The following AOPEP variants were observed in gnomAD, a reference collection of about 807,000 sequenced individuals.
AOPEP encodes the protein aminopeptidase O (putative).
In AOPEP, 77 loss-of-function variants were observed where a neutral mutation model predicts 98.1. That is an observed-to-expected ratio of 0.78 (90% confidence interval 0.65 to 0.95). The LOEUF is 0.95. Among genes scored for constraint, AOPEP ranks in the 40% least tolerant of loss-of-function variants. The probability of loss-of-function intolerance (pLI) is 0.00; values close to 1 mark genes in which losing one functional copy is unlikely to be tolerated. For synonymous variants in AOPEP, 346 were observed against 365.3 expected, an observed-to-expected ratio of 0.95 and a Z score of 0.60; for missense variants, 1,024 against 1,024.7, an observed-to-expected ratio of 1.00 and a Z score of 0.01.
At chr9:94,757,177 T>C (rs182989279) in intron 1 of AOPEP, among the ~76,000 whole-genome samples, 6 of 152,298 alleles carry the variant, frequency 3.9e-5, no homozygotes, top group Non-Finnish European at 8.8e-5. Flanking sequence ...GTAATACTTA[T>C]GAAGAACTAA....
intron 13 of AOPEP, among the ~76,000 whole-genome samples, chr9:95,045,425 T>A (rs2065767659): frequency 6.6e-6 from 1 of 152,240 alleles, no homozygotes; most frequent in Non-Finnish European, 1.5e-5. Context: ...TTGCTTTTGT[T>A]AAAACCTCCT....
the AOPEP span, chr9:95,114,328 CTCT>C: frequency 2.5e-6 from 1 of 401,986 alleles, no homozygotes; most frequent in Middle Eastern, 7.7e-4. Context: ...TTTCCAAGGC[CTCT>C]TCTTTTTATT....
chr9:95,030,299 G>A (rs931524611), intron 13 of AOPEP, among the ~76,000 whole-genome samples: 2 of 152,284 alleles, frequency 1.3e-5, no homozygotes, highest in Admixed American at 6.5e-5. Context: ...CTTTGACTTT[G>A]TGACTTCAAA....
At chr9:95,124,103 C>CAAAA in the AOPEP span, among the ~76,000 whole-genome samples, 1 of 43,542 alleles carries the variant, frequency 2.3e-5, no homozygotes, top group Non-Finnish European at 4.0e-5. Context: ...AACCTTGTCT[C>CAAAA]AAAAAAAAAA....
the AOPEP span, chr9:95,101,750 T>C: frequency 3.1e-5 from 50 of 1,614,090 alleles, no homozygotes; most frequent in South Asian, 5.3e-4. Flanking sequence ...TCGGGCCAGT[T>C]TTTCTGATCT....
chr9:94,791,889 C>T (rs567867595), intron 3 of AOPEP, among the ~76,000 whole-genome samples: 1 of 152,266 alleles, frequency 6.6e-6, no homozygotes, highest in South Asian at 2.1e-4. Context: ...AGCAGATGCT[C>T]GGAAAATATA....
intron 5 of AOPEP, among the ~76,000 whole-genome samples, chr9:94,862,134 A>G (rs2045096270): frequency 6.6e-6 from 1 of 152,146 alleles, no homozygotes; most frequent in African/African-American, 2.4e-5. Flanking sequence ...CACCACCTCT[A>G]CCTAACAGTT....
At chr9:94,967,372 C>T (rs774867500) in intron 9 of AOPEP, among the ~76,000 whole-genome samples, 16 of 152,040 alleles carry the variant, frequency 1.1e-4, no homozygotes, top group Admixed American at 3.3e-4. Context: ...GCAGTTAGTT[C>T]CTAGACTCTA....
At chr9:94,730,330 T>A (rs113035108) in intron 1 of AOPEP, among the ~76,000 whole-genome samples, 4,431 of 151,180 alleles carry the variant, frequency 0.029, 228 homozygotes, top group African/African-American at 0.1. Context: ...GGTCTTCTTC[T>A]GTCTAGTATA....
chr9:95,004,544 T>G (rs2132666323), intron 11 of AOPEP, among the ~76,000 whole-genome samples: 1 of 152,218 alleles, frequency 6.6e-6, no homozygotes, highest in Admixed American at 6.5e-5. Flanking sequence ...CTAGGAAAGT[T>G]ACTTTCCCTG....
At chr9:95,011,481 C>T (rs1178813797) in intron 13 of AOPEP, among the ~76,000 whole-genome samples, 1 of 152,138 alleles carries the variant, frequency 6.6e-6, no homozygotes. Flanking sequence ...GGATTACAGA[C>T]ATGAGCCACC....
rs143033289 is a variant in AOPEP at position 94,928,257 on chromosome 9, G to A, written c.1555-168G>A. ...AGCGAGCGTGCACGGTTGGTTTTTT[G>A]TTTTAGGCACTAAGAGGCTCCAGTG... is the stretch of plus-strand genomic sequence containing the variant. On this transcript the variant is annotated intron_variant, in intron 6 of 16. Coordinates refer to ENST00000375315, the MANE Select transcript of AOPEP (RefSeq NM_001193329.3). Among the ~76,000 whole-genome samples the A allele has an allele frequency of 3.0e-4, 46 of 152,308 alleles. 1 individual carries two copies. In the East Asian group the frequency reaches 8.5e-3, roughly 28 times the overall value.
At chr9:94,823,375 C>T (rs901614979) in intron 5 of AOPEP, among the ~76,000 whole-genome samples, 1 of 152,182 alleles carries the variant, frequency 6.6e-6, no homozygotes, top group Admixed American at 6.5e-5. Flanking sequence ...ACCTTTTACT[C>T]CTTTATTAAC....
At chr9:94,961,789 T>C (rs1363597134) in intron 9 of AOPEP, among the ~76,000 whole-genome samples, 1 of 152,240 alleles carries the variant, frequency 6.6e-6, no homozygotes, top group African/African-American at 2.4e-5. Context: ...CAAGGCGGGA[T>C]TCCTTATCTT....
intron 5 of AOPEP, among the ~76,000 whole-genome samples, chr9:94,852,078 G>C (rs1016126897): frequency 6.6e-6 from 1 of 152,096 alleles, no homozygotes; most frequent in Non-Finnish European, 1.5e-5. Flanking sequence ...GATGAACCTA[G>C]AACAAGGGTG....
intron 5 of AOPEP, 141 bp downstream of exon 5, chr9:94,801,143 G>T: frequency 1.0e-6 from 1 of 984,846 alleles, no homozygotes. Flanking sequence ...ACATCTCATT[G>T]CTGCCTTGAG....
chr9:94,965,024 C>T (rs10993410), intron 9 of AOPEP, among the ~76,000 whole-genome samples: 21,169 of 152,124 alleles, frequency 0.14, 3,879 homozygotes, highest in African/African-American at 0.42. Flanking sequence ...TATTAAGATA[C>T]TAAATTTATA....
chr9:95,081,201 T>C (rs1485351410), intron 15 of AOPEP, among the ~76,000 whole-genome samples: 1 of 152,260 alleles, frequency 6.6e-6, no homozygotes, highest in African/African-American at 2.4e-5. Flanking sequence ...CGTGCTGTGC[T>C]AGGCGGGTTT....
rs907088091 is a variant in AOPEP at position 94,810,481 on chromosome 9, G to A, written c.1364+9479G>A. On this transcript the variant is annotated intron_variant, in intron 5 of 16. Transcript: ENST00000375315. The stretch of plus-strand genomic sequence containing the variant: ...AGGTGCGCGCCACCACACCTGGCTC[G>A]TTTTTGTATTTTTAATAGAGATGAG... 6.6e-5 allele frequency among the ~76,000 whole-genome samples: 10 copies of A among 151,756 alleles called. No individual in the cohort carries two copies. In the South Asian group the frequency reaches 1.7e-3, roughly 25 times the overall value.
Sources: gnomAD v4.1 joint callset for allele counts (sites outside exome capture counted in the v4.1 genomes callset) on GRCh38, gnomAD v4.1.1 for gene constraint, MANE v1.5 for transcripts, NCBI Gene and HGNC (gene_info 2026-07-23, HGNC 2026-07-21) for gene names.